The following GABRB3 variants were observed in gnomAD, a reference collection of about 807,000 sequenced individuals.
GABRB3 encodes gamma-aminobutyric acid type A receptor subunit beta3.
GABRB3 carries 14 observed loss-of-function variants against 52.1 expected under a neutral mutation model. That is an observed-to-expected ratio of 0.27 (90% CI 0.18 to 0.42). GABRB3 has a LOEUF of 0.42. Among genes scored for constraint, GABRB3 ranks in the 10% least tolerant of loss-of-function variants. GABRB3 has a pLI of 1.00. For synonymous variants in GABRB3, 260 were observed against 232.3 expected (o/e 1.12, Z -1.08); for missense variants, 307 against 609.1 (o/e 0.50, Z 5.22).
chr15:26,688,327 C>T (rs1330956652), intron 3 of GABRB3, among the ~76,000 whole-genome samples: 2 of 152,176 alleles, frequency 1.3e-5, no homozygotes, highest in African/African-American at 4.8e-5. Context: ...GCCCACTACC[C>T]ATCACTAGCT....
chr15:26,741,296 G>A (rs963782444), intron 3 of GABRB3, among the ~76,000 whole-genome samples: 2 of 152,110 alleles, frequency 1.3e-5, no homozygotes, highest in Non-Finnish European at 2.9e-5. Context: ...AAGAAAAAAA[G>A]GAAAATAAAC....
intron 3 of GABRB3, among the ~76,000 whole-genome samples, chr15:26,770,770 T>C (rs1249636029): frequency 6.6e-6 from 1 of 152,232 alleles, no homozygotes; most frequent in Non-Finnish European, 1.5e-5. Flanking sequence ...GAATGTGAAG[T>C]CCCCAGTTGA....
chr15:26,653,838 A>G (rs1172684918), intron 3 of GABRB3, among the ~76,000 whole-genome samples: 1 of 152,266 alleles, frequency 6.6e-6, no homozygotes, highest in African/African-American at 2.4e-5. Flanking sequence ...AACAGGAAGC[A>G]TGTAGAAACT....
chr15:26,600,221 A>G (rs1891538828), intron 4 of GABRB3, among the ~76,000 whole-genome samples: 1 of 152,042 alleles, frequency 6.6e-6, no homozygotes, highest in African/African-American at 2.4e-5. Context: ...TTTAAAAAGA[A>G]TGAAGAAAGC....
rs144939250 is a variant in GABRB3 at position 26,610,342 on chromosome 15, T to C, written c.461+10972A>G. On this transcript the variant is annotated intron_variant, in intron 4 of 8. Transcript: ENST00000311550. ...AAGCCTTCTTCCTTGCCAACACTCATCTCAGTGACTGGCTTTCTGTGTGGC... is the reference window on the plus strand; with the variant it reads ...AAGCCTTCTTCCTTGCCAACACTCACCTCAGTGACTGGCTTTCTGTGTGGC... 9.9e-5 allele frequency among the ~76,000 whole-genome samples: 15 copies of C among 152,248 alleles called. No homozygotes were observed. In the East Asian group the frequency reaches 2.9e-3, roughly 29 times the overall value.
intron 3 of GABRB3, among the ~76,000 whole-genome samples, chr15:26,700,450 A>C (rs967360143): frequency 2.0e-5 from 3 of 152,250 alleles, no homozygotes; most frequent in Non-Finnish European, 4.4e-5. Flanking sequence ...TGACAAGTAG[A>C]GAACACCTCC....
intron 4 of GABRB3, among the ~76,000 whole-genome samples, chr15:26,617,109 A>G (rs1343926116): frequency 6.6e-6 from 1 of 152,200 alleles, no homozygotes; most frequent in Admixed American, 6.5e-5. Flanking sequence ...AACCAAAAAG[A>G]GTCCAGCACC....
At chr15:26,628,641 TG>T (rs1892800906) in intron 3 of GABRB3, among the ~76,000 whole-genome samples, 1 of 151,996 alleles carries the variant, frequency 6.6e-6, no homozygotes, top group Non-Finnish European at 1.5e-5. Flanking sequence ...AAGCAGCTCC[TG>T]TTATCAACTG....
chr15:26,592,788 G>C lies in GABRB3; in HGVS notation c.462-9374C>G, dbSNP rs557841727. Among the ~76,000 whole-genome samples, 31 of 152,200 alleles carry C rather than the reference G, an allele frequency of 2.0e-4. No homozygotes were observed. The South Asian group carries it at 6.0e-3, about 30-fold the overall frequency. On this transcript the variant is annotated intron_variant, in intron 4 of 8. Transcript: ENST00000311550. Reference sequence around the variant, plus strand: ...CCAGCACTTTGGGAGGCCGAGGCGGGTGGATCACAAGGTCAGGAGTTTGAG... The same window carrying C: ...CCAGCACTTTGGGAGGCCGAGGCGGCTGGATCACAAGGTCAGGAGTTTGAG...
chr15:26,709,665 C>T (rs1162364455), intron 3 of GABRB3, among the ~76,000 whole-genome samples: 2 of 151,628 alleles, frequency 1.3e-5, no homozygotes, highest in East Asian at 3.9e-4. Context: ...CTCCAGGTGC[C>T]CACCACCACG....
chr15:26,748,567 T>G (rs1318048568), intron 3 of GABRB3, among the ~76,000 whole-genome samples: 1 of 152,244 alleles, frequency 6.6e-6, no homozygotes, highest in Non-Finnish European at 1.5e-5. Context: ...AGCTTCTGTT[T>G]CATTCCTGAC....
chr15:26,676,205 ATTTT>A (rs1888063895), intron 3 of GABRB3, among the ~76,000 whole-genome samples: 1 of 152,202 alleles, frequency 6.6e-6, no homozygotes, highest in African/African-American at 2.4e-5. Flanking sequence ...GCAACTATTT[ATTTT>A]GTTTCAACAG....
chr15:26,681,102 G>A (rs1888225842), intron 3 of GABRB3, among the ~76,000 whole-genome samples: 1 of 151,900 alleles, frequency 6.6e-6, no homozygotes, highest in East Asian at 1.9e-4. Context: ...ATGTATTTTT[G>A]TAAGCTGCCT....
intron 4 of GABRB3, among the ~76,000 whole-genome samples, chr15:26,603,064 G>T (rs755845830): frequency 7.9e-5 from 12 of 151,880 alleles, no homozygotes; most frequent in African/African-American, 2.7e-4. Context: ...AATAAAATCA[G>T]AGATGAAAAA....
rs1038270330 is a variant in GABRB3 at position 26,544,529 on chromosome 15, T to C, written c.*3264A>G. On this transcript the variant is annotated 3_prime_UTR_variant, in exon 9 of 9. Transcript: ENST00000311550. ...TATCATGACATACTTTCTAGTTCGT[T>C]TGAGATTCAGGGGAAATGGATGTCG... 6.6e-6 allele frequency: 1 copy of C among 152,164 alleles called. No individual in the cohort carries two copies. Among genetic ancestry groups the C allele is most frequent in the Non-Finnish European group, 1.5e-5 (1 of 68,038 alleles). 9.4% of individuals were successfully genotyped at this position (152,164 alleles called of 1,614,324 possible). A position where few individuals can be genotyped will look rare whatever the true frequency, so the allele number is the denominator to read the frequency against.
intron 4 of GABRB3, among the ~76,000 whole-genome samples, chr15:26,601,114 A>C (rs556425821): frequency 6.6e-6 from 1 of 152,104 alleles, no homozygotes; most frequent in South Asian, 2.1e-4. Flanking sequence ...TCTTTAGAAG[A>C]AGCTCAAAAT....
chr15:26,610,157 A>AT (rs199889868), intron 4 of GABRB3, among the ~76,000 whole-genome samples: 62 of 152,014 alleles, frequency 4.1e-4, no homozygotes, highest in African/African-American at 8.9e-4. Flanking sequence ...CCATATATAG[A>AT]TTTTTTTTCC....
intron 4 of GABRB3, among the ~76,000 whole-genome samples, chr15:26,587,975 T>TA (rs1338454206): frequency 6.6e-6 from 1 of 152,180 alleles, no homozygotes. Flanking sequence ...CTCTCAGTAT[T>TA]ACTCTTCAGT....
chr15:26,764,205 T>A (rs1389316139), intron 3 of GABRB3, among the ~76,000 whole-genome samples: 4 of 28,156 alleles, frequency 1.4e-4, no homozygotes, highest in Admixed American at 4.6e-4. Flanking sequence ...TATATATATA[T>A]ATATATATAT....
Sources: allele counts gnomAD v4.1 joint callset (sites outside exome capture counted in the v4.1 genomes callset), GRCh38; gene constraint gnomAD v4.1.1; transcripts MANE v1.5; gene names NCBI Gene and HGNC (gene_info 2026-07-23, HGNC 2026-07-21).